Variants in CALD1 observed in about 807,000 individuals in gnomAD.
The protein encoded by CALD1 is caldesmon.
CALD1 carries 33 observed loss-of-function variants against 99.9 expected under a neutral mutation model. That is an observed-to-expected ratio of 0.33 (90% CI 0.25 to 0.44). The LOEUF is 0.44. Ranked by LOEUF, CALD1 falls within the 20% of genes least tolerant of loss-of-function variation. The pLI, the probability that CALD1 is intolerant of heterozygous loss-of-function variation, is 1.00. For missense variants in CALD1, 861 were observed against 962.1 expected (o/e 0.89, Z 1.39); for synonymous variants, 310 against 325.0 (o/e 0.95, Z 0.50).
intron 2 of CALD1, chr7:134,866,792 A>C (rs1403100957): frequency 6.6e-6 from 1 of 152,226 alleles, no homozygotes; most frequent in East Asian, 1.9e-4. Context: ...CGCACAGGAA[A>C]CAATCTTCAA....
intron 3 of CALD1, among the ~76,000 whole-genome samples, chr7:134,915,483 C>A (rs1400002675): frequency 2.0e-5 from 3 of 152,168 alleles, no homozygotes; most frequent in Admixed American, 1.3e-4. Flanking sequence ...AGTCAGAAGA[C>A]AGCATAAGCC....
chr7:134,809,243 C>A (rs1391685135), intron 1 of CALD1, among the ~76,000 whole-genome samples: 1 of 152,126 alleles, frequency 6.6e-6, no homozygotes, highest in Admixed American at 6.5e-5. Flanking sequence ...GTTTTAAATT[C>A]TTTTAAATTT....
chr7:134,731,671 C>G, the CALD1 span, among the ~76,000 whole-genome samples: 1 of 150,882 alleles, frequency 6.6e-6, no homozygotes, highest in Non-Finnish European at 1.5e-5. Context: ...TTTTTTCCAG[C>G]TCCAAATATA....
Position 134,934,059 on chromosome 7 carries a change from A to G in CALD1, c.1290A>G (p.Thr430=). ...AAGCACAAGAAGATAAACTTCAGAC[A>G]GCTGTCCTAAAGAAACAGGTACAGT... The part of the protein sequence containing the change: ...EKKAQEDKLQ[T]AVLKKQGEEK... Residue 430 remains threonine, a synonymous_variant, in exon 5 of 15, where the codon ACA becomes ACG. Transcript: ENST00000361675. The G allele has an allele frequency of 6.2e-7, 1 of 1,610,372 alleles. No homozygotes were observed.
chr7:134,726,773 A>G, the CALD1 span, among the ~76,000 whole-genome samples: 1 of 152,318 alleles, frequency 6.6e-6, no homozygotes, highest in East Asian at 1.9e-4. Flanking sequence ...ACAGACTTCA[A>G]AACCAGGCTT....
chr7:134,903,556 G>C (rs1803147050), intron 3 of CALD1, among the ~76,000 whole-genome samples: 1 of 152,118 alleles, frequency 6.6e-6, no homozygotes. Context: ...CCTCACTTCT[G>C]GTGGTTTGGC....
At chr7:134,795,554 G>A (rs769294950) in intron 1 of CALD1, among the ~76,000 whole-genome samples, 8 of 152,014 alleles carry the variant, frequency 5.3e-5, no homozygotes, top group African/African-American at 1.4e-4. Context: ...TTTTATGAAC[G>A]GAAATACAGG....
In CALD1 at chr7:134,747,954, G is replaced by C. The variant is rs779820102; in HGVS notation, c.-130+3591G>C. Among the ~76,000 whole-genome samples the C allele has an allele frequency of 1.5e-3, 234 of 152,322 alleles. 1 individual carries two copies. Among genetic ancestry groups the C allele is most frequent in the Non-Finnish European group, 2.1e-3 (146 of 68,028 alleles). On this transcript the variant is annotated intron_variant, in intron 1 of 13. Coordinates refer to the CALD1 transcript ENST00000417172. ...AACTGCAGGCACTCAACTCCAAACA[G>C]AGAGAGCTGTGCCATAGGCTACACC...
chr7:134,868,016 G>A, intron 3 of CALD1: 1 of 357,178 alleles, frequency 2.8e-6, no homozygotes, highest in Non-Finnish European at 5.2e-6. Context: ...AGATTTGAGA[G>A]GAATCAATTG....
the CALD1 span, among the ~76,000 whole-genome samples, chr7:134,719,399 G>T: frequency 6.6e-6 from 1 of 152,180 alleles, no homozygotes; most frequent in Admixed American, 6.5e-5. Context: ...GGGTTATGAG[G>T]CTCGCCAGAG....
At chr7:134,858,912 T>C (rs1563049532) in intron 2 of CALD1, among the ~76,000 whole-genome samples, 1 of 152,170 alleles carries the variant, frequency 6.6e-6, no homozygotes, top group Non-Finnish European at 1.5e-5. Context: ...TAGAACTTTC[T>C]GCAGTGATGA....
At chr7:134,943,668 TAGA>T (rs1390595692) in intron 7 of CALD1, among the ~76,000 whole-genome samples, 2 of 152,002 alleles carry the variant, frequency 1.3e-5, no homozygotes, top group South Asian at 4.2e-4. Flanking sequence ...GCTCAGAAAA[TAGA>T]AGAATAAAAA....
At chr7:134,875,634 G>GCCC (rs1801312561) in intron 3 of CALD1, among the ~76,000 whole-genome samples, 2 of 152,170 alleles carry the variant, frequency 1.3e-5, no homozygotes, top group Non-Finnish European at 2.9e-5. Context: ...CGAATGCTTT[G>GCCC]CTCACCCCTT....
intron 3 of CALD1, among the ~76,000 whole-genome samples, chr7:134,905,922 C>CTTTTT (rs5887716): frequency 1.1e-4 from 10 of 94,776 alleles, no homozygotes; most frequent in African/African-American, 1.3e-4. Flanking sequence ...CTCTCTATAT[C>CTTTTT]TTTTTTTTTT....
chr7:134,891,295 TC>T (rs1802149542), intron 3 of CALD1: 7 of 877,014 alleles, frequency 8.0e-6, no homozygotes, highest in Non-Finnish European at 1.0e-5. Flanking sequence ...TTTCTGGAAC[TC>T]CCGAAGCAAT....
At chr7:134,891,246 A>G (rs992899953) in intron 3 of CALD1, among the ~76,000 whole-genome samples, 13 of 152,176 alleles carry the variant, frequency 8.5e-5, no homozygotes, top group African/African-American at 2.9e-4. Flanking sequence ...CATCAGGAAA[A>G]CTACTGGAGA....
chr7:134,775,911 T>A (rs1313053437), upstream of CALD1, among the ~76,000 whole-genome samples: 1 of 152,186 alleles, frequency 6.6e-6, no homozygotes, highest in Non-Finnish European at 1.5e-5. Context: ...CACTTTTTGT[T>A]ATTATGAATA....
rs749583871 is a variant in CALD1 at position 134,941,236 on chromosome 7, A to C, written c.1531A>C (p.Ser511Arg). 1.9e-6 allele frequency: 3 copies of C among 1,591,956 alleles called. No homozygotes were observed. Among genetic ancestry groups the C allele is most frequent in the East Asian group, 2.2e-5 (1 of 44,642 alleles). ...ACTTAAACATACTGAGAATACTTTC[A>C]GGTAAGAAGTAGCAACTAGTTAATA... ...HKLKHTENTF[S>R]RPGGRASVDT... is the part of the protein sequence containing the mutation. The change falls in exon 7 of 15, where the codon AGC becomes CGC. Residue 511 changes from serine (S) to arginine (R), a missense_variant and splice_region_variant. Physicochemically the swap from Ser to Arg is moderately radical, Grantham distance 110. Around this residue, in one of 5 missense-constraint regions of CALD1, gnomAD observed 293 missense variants for 262.7 expected, o/e 1.12. Coordinates refer to ENST00000361675, the MANE Select transcript of CALD1 (RefSeq NM_033138.4).
intron 3 of CALD1, among the ~76,000 whole-genome samples, chr7:134,914,027 AG>A (rs970753857): frequency 6.6e-6 from 1 of 152,206 alleles, no homozygotes; most frequent in Non-Finnish European, 1.5e-5. Context: ...CTTAGATCCC[AG>A]GTTACCAAGT....
Sources: allele counts gnomAD v4.1 joint callset (sites outside exome capture counted in the v4.1 genomes callset), GRCh38; gene constraint gnomAD v4.1.1; regional missense constraint gnomAD v4.1.1; transcripts MANE v1.5; gene names NCBI Gene and HGNC (gene_info 2026-07-23, HGNC 2026-07-21).